IMMP2L: variants seen among roughly 807,000 people sequenced by gnomAD.
The protein encoded by IMMP2L is inner mitochondrial membrane peptidase subunit 2.
In IMMP2L, 18 loss-of-function variants were observed where a neutral mutation model predicts 19.3. The ratio of observed to expected loss-of-function variants is 0.93; its 90% CI spans 0.64 to 1.38. IMMP2L has a LOEUF of 1.38. Among genes scored for constraint, IMMP2L ranks in the 40% most tolerant of loss-of-function variants. The pLI, the probability that IMMP2L is intolerant of heterozygous loss-of-function variation, is 0.00. For synonymous variants in IMMP2L, 76 were observed against 73.0 expected (o/e 1.04, Z -0.21); for missense variants, 233 against 218.2 (o/e 1.07, Z -0.43).
chr7:110,699,116 A>T (rs1459053423), intron 5 of IMMP2L, among the ~76,000 whole-genome samples: 1 of 152,012 alleles, frequency 6.6e-6, no homozygotes, highest in African/African-American at 2.4e-5. Flanking sequence ...ACTGAGGAAA[A>T]GTGTTATTCT....
intron 3 of IMMP2L, among the ~76,000 whole-genome samples, chr7:111,340,809 T>C (rs759778742): frequency 6.6e-6 from 1 of 152,070 alleles, no homozygotes; most frequent in Non-Finnish European, 1.5e-5. Context: ...TGCACAATGG[T>C]CAGTGAAAGA....
chr7:110,896,179 T>C (rs527378407), intron 4 of IMMP2L, among the ~76,000 whole-genome samples: 22 of 152,244 alleles, frequency 1.4e-4, no homozygotes, highest in South Asian at 1.0e-3. Flanking sequence ...CCTAGTAAAA[T>C]AGTAAAAATA....
intron 5 of IMMP2L, among the ~76,000 whole-genome samples, chr7:110,772,583 C>G (rs1473727872): frequency 1.3e-5 from 2 of 152,116 alleles, no homozygotes; most frequent in Non-Finnish European, 2.9e-5. Context: ...TGGGCAAATC[C>G]TCTCTTGAAG....
At chr7:110,767,271 A>T (rs1286756995) in intron 5 of IMMP2L, among the ~76,000 whole-genome samples, 1 of 152,188 alleles carries the variant, frequency 6.6e-6, no homozygotes, top group Non-Finnish European at 1.5e-5. Flanking sequence ...GACAGACACA[A>T]GCAAACAGAA....
intron 3 of IMMP2L, among the ~76,000 whole-genome samples, chr7:111,094,033 T>A (rs888546001): frequency 3.3e-5 from 5 of 152,106 alleles, no homozygotes; most frequent in African/African-American, 1.2e-4. Flanking sequence ...AAAAAGGTGA[T>A]CAACTTATGA....
chr7:111,142,136 G>T (rs1802966343), intron 3 of IMMP2L, among the ~76,000 whole-genome samples: 1 of 152,024 alleles, frequency 6.6e-6, no homozygotes, highest in Non-Finnish European at 1.5e-5. Flanking sequence ...GACCAGCCTG[G>T]CCAACATGGT....
chr7:111,243,511 TTTA>T (rs956154484), intron 3 of IMMP2L, among the ~76,000 whole-genome samples: 13 of 20,744 alleles, frequency 6.3e-4, no homozygotes, highest in South Asian at 1.4e-3. Flanking sequence ...TTCTTGTTGC[TTTA>T]TTTTTTTTTT....
chr7:111,070,451 A>T (rs1335413365), intron 3 of IMMP2L, among the ~76,000 whole-genome samples: 1 of 148,328 alleles, frequency 6.7e-6, no homozygotes, highest in Non-Finnish European at 1.5e-5. Flanking sequence ...GCTAGAAAAA[A>T]CTTATTTTTT....
At chr7:111,217,515 G>A (rs965070964) in intron 3 of IMMP2L, among the ~76,000 whole-genome samples, 6 of 152,090 alleles carry the variant, frequency 3.9e-5, no homozygotes, top group Non-Finnish European at 2.9e-5. Context: ...CTACAGCAGA[G>A]CAGAGTAGCT....
At chr7:110,951,626 TAG>T (rs1173070808) in intron 4 of IMMP2L, among the ~76,000 whole-genome samples, 5 of 151,666 alleles carry the variant, frequency 3.3e-5, no homozygotes, top group South Asian at 2.1e-4. Context: ...ATCCAGAAAA[TAG>T]AGAGATACAA....
At position 111,266,553 on chromosome 7, in the gene IMMP2L, A is replaced by C. The variant is rs141557119; in HGVS notation, c.239+220685T>G. 7.9e-5 allele frequency among the ~76,000 whole-genome samples: 12 copies of C among 151,988 alleles called. No individual in the cohort carries two copies. In the East Asian group the frequency reaches 2.3e-3, roughly 29 times the overall value. On this transcript the variant is annotated intron_variant, in intron 3 of 5. Coordinates refer to ENST00000405709, the MANE Select transcript of IMMP2L (RefSeq NM_032549.4). ...GCAAGACTATGTCTCCCAAAAAAAA[A>C]AAAAAAAAAGGGATCTAGGTTCTAT...
chr7:110,885,818 T>C (rs902179304), intron 5 of IMMP2L, among the ~76,000 whole-genome samples: 3 of 151,958 alleles, frequency 2.0e-5, no homozygotes, highest in African/African-American at 4.8e-5. Context: ...GCCTTGCCTG[T>C]ACCAGGAGGA....
intron 3 of IMMP2L, among the ~76,000 whole-genome samples, chr7:110,966,868 A>T (rs983731489): frequency 6.6e-5 from 10 of 152,024 alleles, no homozygotes; most frequent in Middle Eastern, 3.2e-3. Context: ...CTTCGTCTTA[A>T]TTTTCTTGGC....
chr7:110,667,163 C>A (rs1242964734), intron 5 of IMMP2L, among the ~76,000 whole-genome samples: 2 of 152,216 alleles, frequency 1.3e-5, no homozygotes, highest in African/African-American at 4.8e-5. Flanking sequence ...AGCCACTGCG[C>A]CCGGCCTGGA....
intron 3 of IMMP2L, among the ~76,000 whole-genome samples, chr7:111,466,556 ACT>A (rs1363540917): frequency 1.3e-5 from 2 of 152,186 alleles, no homozygotes; most frequent in African/African-American, 2.4e-5. Context: ...AAAAGTGATT[ACT>A]GTTACTGTAT....
At chr7:111,166,876 C>T (rs1240695381) in intron 3 of IMMP2L, among the ~76,000 whole-genome samples, 3 of 151,932 alleles carry the variant, frequency 2.0e-5, no homozygotes, top group Non-Finnish European at 2.9e-5. Flanking sequence ...ATAAAGATAC[C>T]TGTCATTTGA....
At chr7:110,743,301 T>C (rs1412289486) in intron 5 of IMMP2L, among the ~76,000 whole-genome samples, 1 of 152,206 alleles carries the variant, frequency 6.6e-6, no homozygotes, top group Non-Finnish European at 1.5e-5. Flanking sequence ...TTTTAGATAG[T>C]AATTATTCAC....
chr7:110,862,505 A>ATT (rs879399124), intron 5 of IMMP2L, among the ~76,000 whole-genome samples: 3 of 144,188 alleles, frequency 2.1e-5, no homozygotes, highest in East Asian at 2.0e-4. Flanking sequence ...GGCCCGGCTA[A>ATT]TTTTTTTTTT....
At chr7:111,445,398 A>C (rs1352712459) in intron 3 of IMMP2L, among the ~76,000 whole-genome samples, 4 of 152,114 alleles carry the variant, frequency 2.6e-5, no homozygotes, top group Non-Finnish European at 5.9e-5. Flanking sequence ...AGAATGAAAA[A>C]AAAATAGACA....
Sources: allele counts gnomAD v4.1 joint callset (sites outside exome capture counted in the v4.1 genomes callset), GRCh38; gene constraint gnomAD v4.1.1; transcripts MANE v1.5; gene names NCBI Gene and HGNC (gene_info 2026-07-23, HGNC 2026-07-21).